GTF2A1: variants seen among roughly 807,000 people sequenced by gnomAD.
The protein encoded by GTF2A1 is general transcription factor IIA subunit 1, also known as transcription initiation factor IIA subunit 1.
GTF2A1 carries 12 observed loss-of-function variants against 54.1 expected under a neutral mutation model. The observed-to-expected ratio is 0.22, with a 90% CI of 0.14 to 0.36. The LOEUF is 0.36. GTF2A1 is among the 10% of genes least tolerant of loss of function. The probability of loss-of-function intolerance (pLI) is 1.00; values close to 1 mark genes in which losing one functional copy is unlikely to be tolerated. For missense variants in GTF2A1, 335 were observed against 442.2 expected (o/e 0.76, Z 2.17); for synonymous variants, 145 against 152.0 (o/e 0.95, Z 0.34).
chr14:81,220,505 G>A lies in GTF2A1; in HGVS notation c.14C>T (p.Ala5Val). MANS[A>V]NTNTVPKLYR... ...CGTCCTTACCACGGTGTTTGTATTTGCCGAGTTCGCCATTTCCACACACAA... is the reference window on the plus strand; with the variant it reads ...CGTCCTTACCACGGTGTTTGTATTTACCGAGTTCGCCATTTCCACACACAA... The change falls in exon 1 of 9, where the codon GCA becomes GTA. Residue 5 changes from alanine (A) to valine (V), a missense_variant. Physicochemically the swap from Ala to Val is moderately conservative, Grantham distance 64. Around this residue, in one of 2 missense-constraint regions of GTF2A1, gnomAD observed 306 missense variants for 360.4 expected, o/e 0.85. Transcript: ENST00000553612. The A allele has an allele frequency of 6.3e-7, 1 of 1,578,322 alleles. No homozygotes were observed.
At chr14:81,182,556 A>G (rs1037562960) in intron 8 of GTF2A1, among the ~76,000 whole-genome samples, 4 of 152,174 alleles carry the variant, frequency 2.6e-5, no homozygotes, top group Non-Finnish European at 4.4e-5. Flanking sequence ...CAACTTTAAT[A>G]CCATCACCAT....
chr14:81,190,187 A>T (rs1470429155), intron 7 of GTF2A1, among the ~76,000 whole-genome samples: 2 of 152,086 alleles, frequency 1.3e-5, no homozygotes, highest in African/African-American at 4.8e-5. Flanking sequence ...AAAATACTTG[A>T]AGGGCATGAG....
chr14:81,199,234 C>T (rs1053089220), intron 4 of GTF2A1, among the ~76,000 whole-genome samples: 8 of 152,178 alleles, frequency 5.3e-5, no homozygotes, highest in African/African-American at 1.9e-4. Context: ...ATACACGACC[C>T]AATAACTACC....
chr14:81,189,007 A>G (rs77643070), intron 7 of GTF2A1, among the ~76,000 whole-genome samples: 3,105 of 152,296 alleles, frequency 0.02, 105 homozygotes, highest in African/African-American at 0.07. Context: ...GGTTGATGTT[A>G]AAGTTTTGCA....
Position 81,220,601 on chromosome 14 carries a change from C to T in GTF2A1, c.-83G>A. ...ACCAAAAAAAAAAAAACTATAACAC[C>T]CGGAGGGTGACCCAAATCACCGCAA... On this transcript the variant is annotated 5_prime_UTR_variant, in exon 1 of 9. Coordinates refer to ENST00000553612, the MANE Select transcript of GTF2A1 (RefSeq NM_015859.4). The T allele has an allele frequency of 1.8e-6, 2 of 1,119,142 alleles. No homozygotes were observed. Among genetic ancestry groups the T allele is most frequent in the Non-Finnish European group, 2.5e-6 (2 of 794,332 alleles). 69.3% of individuals were successfully genotyped at this position (1,119,142 alleles called of 1,614,324 possible).
intron 2 of GTF2A1, among the ~76,000 whole-genome samples, chr14:81,212,057 T>C (rs1420650128): frequency 6.6e-6 from 1 of 151,832 alleles, no homozygotes; most frequent in Non-Finnish European, 1.5e-5. Flanking sequence ...GCTAACATTC[T>C]ACAATCAATA....
intron 1 of GTF2A1, among the ~76,000 whole-genome samples, chr14:81,218,796 A>AT (rs916577789): frequency 6.7e-5 from 10 of 149,072 alleles, no homozygotes; most frequent in South Asian, 2.1e-4. Flanking sequence ...TTCTACTTAG[A>AT]TTTTTTTTTA....
At chr14:81,192,421 A>C in intron 7 of GTF2A1, 98 bp downstream of exon 7, 1 of 874,824 alleles carries the variant, frequency 1.1e-6, no homozygotes, top group Non-Finnish European at 1.8e-6. Context: ...AGCACCTAAC[A>C]GTCTCTGAAA....
Position 81,186,087 on chromosome 14 carries a change from G to A in GTF2A1, c.934-467C>T, listed in dbSNP as rs562525932. Among the ~76,000 whole-genome samples the A allele has an allele frequency of 1.6e-3, 101 of 61,250 alleles. 3 individuals are homozygous for A. The Middle Eastern group carries it at 0.041, about 25-fold the overall frequency. 40.2% of individuals were successfully genotyped at this position (61,250 alleles called of 152,430 possible). A position where few individuals can be genotyped will look rare whatever the true frequency, so the allele number is the denominator to read the frequency against. On this transcript the variant is annotated intron_variant, in intron 7 of 8. Transcript: ENST00000553612. The stretch of plus-strand genomic sequence containing the variant: ...AAGATGGTCTTGATCTCTTGACCTC[G>A]TGATCCACCCCGCCTAGGCCTCCCA...
intron 3 of GTF2A1, 99 bp downstream of exon 3, chr14:81,203,801 C>CT (rs1893166390): frequency 3.8e-6 from 4 of 1,063,908 alleles, no homozygotes; most frequent in Middle Eastern, 2.1e-4. Context: ...CCATGTGCCC[C>CT]TTAAAAGACA....
intron 1 of GTF2A1, among the ~76,000 whole-genome samples, chr14:81,220,093 A>T (rs1893586870): frequency 6.6e-6 from 1 of 151,728 alleles, no homozygotes; most frequent in African/African-American, 2.4e-5. Flanking sequence ...TTTGTTCTGT[A>T]GCCACTCGGG....
chr14:81,185,698 T>C, intron 7 of GTF2A1, 78 bp from the exon 8 acceptor site: 2 of 733,036 alleles, frequency 2.7e-6, no homozygotes, highest in Non-Finnish European at 4.6e-6. Context: ...ATGACCTTGA[T>C]GTTCTTTGAG....
At chr14:81,211,186 T>C (rs1893356389) in intron 2 of GTF2A1, among the ~76,000 whole-genome samples, 1 of 152,206 alleles carries the variant, frequency 6.6e-6, no homozygotes. Context: ...GTGGTCTGAC[T>C]TCAATGTCCC....
At chr14:81,216,963 T>C (rs1295310444) in intron 1 of GTF2A1, among the ~76,000 whole-genome samples, 1 of 152,172 alleles carries the variant, frequency 6.6e-6, no homozygotes, top group Non-Finnish European at 1.5e-5. Flanking sequence ...TAATGAACAT[T>C]CAGGTTTAAA....
chr14:81,212,518 C>T (rs1352587346), intron 2 of GTF2A1, among the ~76,000 whole-genome samples: 1 of 152,198 alleles, frequency 6.6e-6, no homozygotes. Context: ...CTGCTTACCT[C>T]ATTAACCCTC....
chr14:81,199,132 AT>A (rs1893050830), intron 4 of GTF2A1, among the ~76,000 whole-genome samples: 2 of 152,238 alleles, frequency 1.3e-5, no homozygotes, highest in Admixed American at 1.3e-4. Flanking sequence ...AAAAACAAAA[AT>A]ATTTAGAAAT....
intron 8 of GTF2A1, among the ~76,000 whole-genome samples, chr14:81,181,430 G>A (rs1439499395): frequency 1.3e-5 from 2 of 152,080 alleles, no homozygotes; most frequent in East Asian, 1.9e-4. Context: ...TTGACCAAGT[G>A]TATACTGCTA....
intron 3 of GTF2A1, among the ~76,000 whole-genome samples, chr14:81,203,382 T>G (rs1274852093): frequency 6.6e-6 from 1 of 152,248 alleles, no homozygotes; most frequent in Admixed American, 6.5e-5. Context: ...TAGGCTTACA[T>G]AAATTCCTAT....
chr14:81,209,802 A>C, intron 2 of GTF2A1: 1 of 548,406 alleles, frequency 1.8e-6, no homozygotes, highest in South Asian at 1.7e-5. Flanking sequence ...TCAAAGTCTC[A>C]ACAGCCTCAA....
Sources: gnomAD v4.1 joint callset for allele counts (sites outside exome capture counted in the v4.1 genomes callset) on GRCh38, gnomAD v4.1.1 for gene constraint, gnomAD v4.1.1 regional missense constraint, MANE v1.5 for transcripts, NCBI Gene and HGNC (gene_info 2026-07-23, HGNC 2026-07-21) for gene names.